LRRC4C: variants seen among roughly 807,000 people sequenced by gnomAD.
The protein encoded by LRRC4C is leucine rich repeat containing 4C.
Under a neutral mutation model 33.6 loss-of-function variants are expected in LRRC4C, and 5 were observed. The ratio of observed to expected loss-of-function variants is 0.15; its 90% CI spans 0.08 to 0.31. The LOEUF is 0.31. LRRC4C is among the 10% of genes least tolerant of loss of function. The pLI is 1.00. For synonymous variants in LRRC4C, 329 were observed against 302.0 expected (o/e 1.09, Z -0.93); for missense variants, 560 against 796.7 (o/e 0.70, Z 3.58).
chr11:40,420,222 G>A (rs1253244250), intron 3 of LRRC4C, among the ~76,000 whole-genome samples: 2 of 152,180 alleles, frequency 1.3e-5, no homozygotes, highest in East Asian at 3.9e-4. Flanking sequence ...GGACCCAGCT[G>A]CTGTGCTCTG....
intron 3 of LRRC4C, among the ~76,000 whole-genome samples, chr11:40,347,466 T>C (rs1947186786): frequency 6.6e-6 from 1 of 152,228 alleles, no homozygotes; most frequent in Non-Finnish European, 1.5e-5. Flanking sequence ...GTCTCACTTT[T>C]AATTTTCTTC....
At chr11:40,734,724 C>A (rs1160874692) in intron 2 of LRRC4C, among the ~76,000 whole-genome samples, 2 of 152,016 alleles carry the variant, frequency 1.3e-5, no homozygotes, top group Admixed American at 6.6e-5. Flanking sequence ...AAAAAAATCT[C>A]AAAGCCAGTT....
chr11:40,293,154 C>T (rs1021708108), intron 4 of LRRC4C: 1 of 152,104 alleles, frequency 6.6e-6, no homozygotes, highest in African/African-American at 2.4e-5. Flanking sequence ...CTCCTTCCCT[C>T]CACCGCCTCT....
At chr11:40,554,100 C>T (rs1957236331) in intron 3 of LRRC4C, among the ~76,000 whole-genome samples, 1 of 152,058 alleles carries the variant, frequency 6.6e-6, no homozygotes, top group Non-Finnish European at 1.5e-5. Flanking sequence ...TTAATCCATC[C>T]TGAGTTAATT....
intron 2 of LRRC4C, among the ~76,000 whole-genome samples, chr11:40,670,148 G>A (rs948144049): frequency 7.2e-5 from 11 of 152,170 alleles, no homozygotes; most frequent in African/African-American, 2.7e-4. Context: ...AAGGTGTGTT[G>A]TACATCTCAG....
At chr11:41,435,777 T>C (rs992765269) in intron 1 of LRRC4C, among the ~76,000 whole-genome samples, 3 of 152,230 alleles carry the variant, frequency 2.0e-5, no homozygotes, top group Non-Finnish European at 4.4e-5. Context: ...AGATGTTCCA[T>C]AAAAATAGTG....
chr11:41,010,723 T>C (rs1001238646), intron 1 of LRRC4C, among the ~76,000 whole-genome samples: 3 of 152,220 alleles, frequency 2.0e-5, no homozygotes, highest in Non-Finnish European at 4.4e-5. Context: ...GGCAACTTCC[T>C]TAAGAGTTGA....
intron 3 of LRRC4C, among the ~76,000 whole-genome samples, chr11:40,365,369 TCTC>T (rs1449812260): frequency 2.0e-5 from 3 of 152,056 alleles, no homozygotes; most frequent in Non-Finnish European, 2.9e-5. Context: ...TTTTGCCAAT[TCTC>T]CTCCTAACTA....
chr11:41,223,818 C>A (rs1947409712), intron 1 of LRRC4C, among the ~76,000 whole-genome samples: 1 of 152,140 alleles, frequency 6.6e-6, no homozygotes, highest in Admixed American at 6.5e-5. Context: ...TATTGGATGT[C>A]CAGTTGGCAG....
chr11:40,699,126 T>C (rs1945734174), intron 2 of LRRC4C, among the ~76,000 whole-genome samples: 1 of 152,234 alleles, frequency 6.6e-6, no homozygotes, highest in Non-Finnish European at 1.5e-5. Context: ...ATTCCTGCTA[T>C]ACCTAAATCC....
At chr11:40,800,911 G>A (rs1951014312) in intron 2 of LRRC4C, among the ~76,000 whole-genome samples, 1 of 152,082 alleles carries the variant, frequency 6.6e-6, no homozygotes, top group Admixed American at 6.5e-5. Context: ...TTATCTGTGA[G>A]CTCCAGGACC....
intron 1 of LRRC4C, among the ~76,000 whole-genome samples, chr11:41,445,910 A>G (rs1955811363): frequency 8.5e-6 from 1 of 117,586 alleles, no homozygotes; most frequent in African/African-American, 3.4e-5. Flanking sequence ...TGTAAAACTT[A>G]CTGCCATAGA....
intron 1 of LRRC4C, among the ~76,000 whole-genome samples, chr11:41,007,370 CT>C (rs66460926): frequency 0.16 from 23,980 of 149,218 alleles, 2,051 homozygotes; most frequent in Middle Eastern, 0.22. Flanking sequence ...AAAATGCTTT[CT>C]TTTTTTTTTA....
intron 5 of LRRC4C, among the ~76,000 whole-genome samples, chr11:40,173,361 G>T (rs979576373): frequency 1.3e-5 from 2 of 152,212 alleles, no homozygotes; most frequent in African/African-American, 4.8e-5. Context: ...GCAAAGACCT[G>T]CATGTCTGGT....
rs537431041 is a variant in LRRC4C, at chr11:41,264,795, A to G, written c.-496+194636T>C. Among the ~76,000 whole-genome samples the G allele has an allele frequency of 3.3e-5, 5 of 152,298 alleles. 1 individual carries two copies. The South Asian group carries it at 1.0e-3, about 32-fold the overall frequency. On this transcript the variant is annotated intron_variant, in intron 1 of 6. Transcript: ENST00000528697. ...GATAGACATATTTTTAGAAACAGAG[A>G]AAAATCCAAATTAGAATACACTTGC...
chr11:40,380,648 A>G (rs1948828737), intron 3 of LRRC4C, among the ~76,000 whole-genome samples: 1 of 152,200 alleles, frequency 6.6e-6, no homozygotes, highest in Admixed American at 6.5e-5. Context: ...TAATACGTGT[A>G]AAGTATCCGC....
intron 2 of LRRC4C, among the ~76,000 whole-genome samples, chr11:40,889,285 T>C (rs1475453416): frequency 6.6e-6 from 1 of 152,112 alleles, no homozygotes; most frequent in African/African-American, 2.4e-5. Context: ...AATATACTGT[T>C]TAATGTGAAT....
At chr11:41,097,022 G>A (rs1438599124) in intron 1 of LRRC4C, among the ~76,000 whole-genome samples, 1 of 152,164 alleles carries the variant, frequency 6.6e-6, no homozygotes, top group East Asian at 1.9e-4. Context: ...ATCAAGGCAA[G>A]TCTCAAGTTC....
At chr11:40,480,702 G>A (rs1214232272) in intron 3 of LRRC4C, among the ~76,000 whole-genome samples, 6 of 151,718 alleles carry the variant, frequency 4.0e-5, no homozygotes, top group Admixed American at 6.6e-5. Context: ...ATATATACAC[G>A]CAATAGAATA....
Sources: allele counts gnomAD v4.1 joint callset (sites outside exome capture counted in the v4.1 genomes callset), GRCh38; gene constraint gnomAD v4.1.1; transcripts MANE v1.5; gene names NCBI Gene and HGNC (gene_info 2026-07-23, HGNC 2026-07-21).